Variants in ABCA1 observed in about 807,000 individuals in gnomAD.
ABCA1 encodes ATP binding cassette subfamily A member 1, also known as phospholipid-transporting ATPase ABCA1.
A neutral mutation model predicts 262.5 loss-of-function variants in ABCA1; 133 were observed. The ratio of observed to expected loss-of-function variants is 0.51; its 90% CI spans 0.44 to 0.59. The LOEUF (loss-of-function observed/expected upper bound fraction) is 0.59. ABCA1 is among the 20% of genes least tolerant of loss of function. ABCA1 has a pLI of 0.00. For missense variants in ABCA1, 2,452 were observed against 2,777.5 expected (o/e 0.88, Z 2.63); for synonymous variants, 1,022 against 1,043.5 (o/e 0.98, Z 0.40).
intron 4 of ABCA1, among the ~76,000 whole-genome samples, 187 bp downstream of exon 4, chr9:104,884,240 G>A (rs1052784391): frequency 2.0e-5 from 3 of 152,166 alleles, no homozygotes; most frequent in African/African-American, 7.2e-5. Flanking sequence ...TACTCGAGGT[G>A]ATGGATACCC....
intron 16 of ABCA1, 112 bp downstream of exon 16, chr9:104,826,836 G>T: frequency 1.0e-6 from 1 of 984,222 alleles, no homozygotes; most frequent in Non-Finnish European, 1.6e-6. Flanking sequence ...TAAGGTTCAT[G>T]TCCCATTGGA....
chr9:104,843,615 T>C (rs1674727717), intron 8 of ABCA1, among the ~76,000 whole-genome samples: 1 of 152,160 alleles, frequency 6.6e-6, no homozygotes, highest in Admixed American at 6.5e-5. Flanking sequence ...AAAATGGACA[T>C]GATGAGACCC....
At chr9:104,856,155 G>GT (rs774950761) in intron 7 of ABCA1, 2 of 1,491,408 alleles carry the variant, frequency 1.3e-6, no homozygotes, top group Non-Finnish European at 1.8e-6. Flanking sequence ...TGCAAATCAA[G>GT]TATCAGTCCC....
intron 2 of ABCA1, among the ~76,000 whole-genome samples, chr9:104,893,757 C>T (rs756676888): frequency 5.9e-5 from 9 of 152,108 alleles, no homozygotes; most frequent in Non-Finnish European, 8.8e-5. Flanking sequence ...AGATGAGCAG[C>T]CAATTCTACC....
At chr9:104,888,112 T>C (rs1839369121) in intron 3 of ABCA1, among the ~76,000 whole-genome samples, 1 of 151,310 alleles carries the variant, frequency 6.6e-6, no homozygotes, top group African/African-American at 2.4e-5. Context: ...ATGTGTGATG[T>C]GCATTAGAAA....
intron 5 of ABCA1, among the ~76,000 whole-genome samples, chr9:104,870,924 A>G (rs1254780875): frequency 3.3e-5 from 5 of 152,036 alleles, no homozygotes; most frequent in African/African-American, 1.2e-4. Context: ...CACAGGGTTA[A>G]TCACTCAGTT....
At position 104,784,196 on chromosome 9, in the gene ABCA1, G is replaced by A; in HGVS notation, c.*119C>T. On this transcript the variant is annotated 3_prime_UTR_variant, in exon 50 of 50. Coordinates refer to ENST00000374736, the MANE Select transcript of ABCA1 (RefSeq NM_005502.4). ...CATTGCATTGAATAGTATCAGTACA[G>A]TATCCAGTTTACTTCTTCCCACATC... 1 of 1,280,146 alleles carries A rather than the reference G, an allele frequency of 7.8e-7. No homozygotes were observed. The highest frequency in any genetic ancestry group is 1.1e-6 in the Non-Finnish European group (1 of 889,570). The allele number at this position is 1,280,146 out of a possible 1,614,324, so 79.3% of individuals were successfully genotyped here. A position where few individuals can be genotyped will look rare whatever the true frequency, so the allele number is the denominator to read the frequency against.
At chr9:104,875,110 G>T (rs1029180605) in intron 5 of ABCA1, among the ~76,000 whole-genome samples, 2 of 151,884 alleles carry the variant, frequency 1.3e-5, no homozygotes, top group Non-Finnish European at 2.9e-5. Context: ...GTAGAAAGAA[G>T]TAGACATAGG....
At chr9:104,793,147 C>CA (rs1273892132) in intron 41 of ABCA1, 24 bp downstream of exon 41, 2 of 1,613,804 alleles carry the variant, frequency 1.2e-6, no homozygotes, top group Admixed American at 1.7e-5. Context: ...CCAGGTGCTC[C>CA]ACGGGTTCTA....
intron 44 of ABCA1, among the ~76,000 whole-genome samples, 167 bp downstream of exon 44, chr9:104,790,755 A>G (rs2118854479): frequency 6.6e-6 from 1 of 152,342 alleles, no homozygotes; most frequent in Middle Eastern, 3.4e-3. Context: ...GATTATCTCT[A>G]GATATTGAAA....
intron 17 of ABCA1, 35 bp downstream of exon 17, chr9:104,825,648 T>C (rs778652858): frequency 2.5e-6 from 4 of 1,600,726 alleles, no homozygotes; most frequent in Non-Finnish European, 3.4e-6. Context: ...CAGCTAGAAG[T>C]CATATTTTCC....
Position 104,781,126 on chromosome 9 carries a change from T to G in ABCA1, c.*3189A>C, listed in dbSNP as rs1358165497. ...TACAAAATTTTTTTTCTTTTTTCCT[T>G]TTAATGAAAATGATTTAACTTAGAA... On this transcript the variant is annotated 3_prime_UTR_variant, in exon 50 of 50. Coordinates refer to ENST00000374736, the MANE Select transcript of ABCA1 (RefSeq NM_005502.4). 6.6e-6 allele frequency: 1 copy of G among 152,636 alleles called. No homozygotes were observed. Among genetic ancestry groups the G allele is most frequent in the African/African-American group, 2.4e-5 (1 of 41,470 alleles). 9.5% of individuals were successfully genotyped at this position (152,636 alleles called of 1,614,324 possible). A position where few individuals can be genotyped will look rare whatever the true frequency, so the allele number is the denominator to read the frequency against.
At chr9:104,785,749 GC>G in intron 48 of ABCA1, 110 bp from the exon 49 acceptor site, 1 of 1,340,062 alleles carries the variant, frequency 7.5e-7, no homozygotes, top group Non-Finnish European at 1.0e-6. Context: ...CCCCTGGCAG[GC>G]CCAGAAATAA....
intron 2 of ABCA1, among the ~76,000 whole-genome samples, chr9:104,899,872 G>A (rs889547896): frequency 1.3e-5 from 2 of 152,192 alleles, no homozygotes; most frequent in African/African-American, 4.8e-5. Context: ...GATCGTGAAA[G>A]CTCTGAAGTT....
rs1411914581 is a variant in ABCA1, at chr9:104,821,398, G to C, written c.2937C>G (p.Pro979=). 1.9e-6 allele frequency: 3 copies of C among 1,614,128 alleles called. No individual in the cohort carries two copies. Among genetic ancestry groups the C allele is most frequent in the Non-Finnish European group, 2.5e-6 (3 of 1,180,032 alleles). The change falls in exon 20 of 50, where the codon CCC becomes CCG. Residue 979 remains proline, a synonymous_variant. Transcript: ENST00000374736. ...ACATGTCAAACAGCACGTTATGCTG[G>C]GGACAGACCCCCAGGTTCTGCCGGA... The part of the protein sequence containing the change: ...STIRQNLGVC[P]QHNVLFDMLT...
Position 104,796,215 on chromosome 9 carries a change from G to A in ABCA1, c.5238-18C>T, listed in dbSNP as rs532478412. ...TTGACCACCTGTTGAGACACAAAAAGATAAGTGTCTACTGAGAGTCCCTGC... is the reference window on the plus strand; with the variant it reads ...TTGACCACCTGTTGAGACACAAAAAAATAAGTGTCTACTGAGAGTCCCTGC... On this transcript the variant is annotated intron_variant, in intron 38 of 49. Transcript: ENST00000374736. 2.4e-5 allele frequency: 38 copies of A among 1,614,156 alleles called. 1 individual carries two copies. In the East Asian group the frequency reaches 8.0e-4, roughly 34 times the overall value.
intron 36 of ABCA1, chr9:104,799,327 T>C (rs1359435145): frequency 3.4e-6 from 2 of 587,274 alleles, no homozygotes; most frequent in Non-Finnish European, 4.3e-6. Context: ...AGAGACCAGA[T>C]TCAAACCCAG....
chr9:104,839,003 G>A (rs1007104672), intron 9 of ABCA1, among the ~76,000 whole-genome samples: 7 of 152,058 alleles, frequency 4.6e-5, no homozygotes, highest in African/African-American at 1.4e-4. Flanking sequence ...AGAAGAAAAG[G>A]TTCTTGTGTT....
At chr9:104,879,782 G>A (rs1025930958) in intron 5 of ABCA1, among the ~76,000 whole-genome samples, 2 of 152,112 alleles carry the variant, frequency 1.3e-5, no homozygotes, top group African/African-American at 2.4e-5. Flanking sequence ...TCAGAACAAG[G>A]GAGGCAAAAA....
Sources: allele counts gnomAD v4.1 joint callset (sites outside exome capture counted in the v4.1 genomes callset), GRCh38; gene constraint gnomAD v4.1.1; transcripts MANE v1.5; gene names NCBI Gene and HGNC (gene_info 2026-07-23, HGNC 2026-07-21).